ETFA: variants seen among roughly 807,000 people sequenced by gnomAD.
ETFA encodes electron transfer flavoprotein subunit alpha.
Under a neutral mutation model 46.2 loss-of-function variants are expected in ETFA, and 22 were observed. That is an observed-to-expected ratio of 0.48 (90% confidence interval 0.34 to 0.68). ETFA has a LOEUF of 0.68. Among genes scored for constraint, ETFA ranks in the 30% least tolerant of loss-of-function variants. The probability of loss-of-function intolerance (pLI) is 0.01; values close to 1 mark genes in which losing one functional copy is unlikely to be tolerated. For synonymous variants in ETFA, 131 were observed against 139.9 expected (o/e 0.94, Z 0.45); for missense variants, 345 against 401.1 (o/e 0.86, Z 1.19).
intron 11 of ETFA, among the ~76,000 whole-genome samples, chr15:76,224,690 G>T (rs976520237): frequency 2.6e-5 from 4 of 152,170 alleles, no homozygotes; most frequent in African/African-American, 7.2e-5. Context: ...ATAGCCCCTC[G>T]CTGTGGTTCT....
chr15:76,275,829 T>C (rs961107274), intron 8 of ETFA, among the ~76,000 whole-genome samples: 2 of 152,312 alleles, frequency 1.3e-5, no homozygotes, highest in African/African-American at 4.8e-5. Context: ...AATAACACTT[T>C]ACTACTTCAC....
intron 11 of ETFA, among the ~76,000 whole-genome samples, chr15:76,216,840 CTTT>C (rs373144812): frequency 2.2e-5 from 2 of 89,276 alleles, no homozygotes; most frequent in Admixed American, 1.5e-4. Flanking sequence ...TGCCTTTTGC[CTTT>C]TTTTTTTTTT....
At chr15:76,272,729 G>A (rs2039550384) in intron 9 of ETFA, among the ~76,000 whole-genome samples, 1 of 151,590 alleles carries the variant, frequency 6.6e-6, no homozygotes, top group South Asian at 2.1e-4. Context: ...GTTAGAGGCT[G>A]TGGTGTGTTA....
chr15:76,260,233 C>G, intron 9 of ETFA: 1 of 1,244,218 alleles, frequency 8.0e-7, no homozygotes, highest in Non-Finnish European at 1.2e-6. Flanking sequence ...AATGTGGCCT[C>G]GATGCACTTG....
At chr15:76,287,780 C>T in intron 5 of ETFA, 66 bp downstream of exon 5, 1 of 1,144,878 alleles carries the variant, frequency 8.7e-7, no homozygotes, top group African/African-American at 1.5e-5. Context: ...ATTCTATCTT[C>T]AAGATTAATT....
intron 1 of ETFA, among the ~76,000 whole-genome samples, chr15:76,310,369 GAAAAAAAAA>G (rs34111559): frequency 9.6e-5 from 10 of 104,462 alleles, no homozygotes; most frequent in Admixed American, 6.4e-4. Flanking sequence ...TCCATGCCCA[GAAAAAAAAA>G]AAAAAAAAAA....
chr15:76,277,201 G>C (rs2039601789), intron 8 of ETFA, among the ~76,000 whole-genome samples: 1 of 152,128 alleles, frequency 6.6e-6, no homozygotes, highest in South Asian at 2.1e-4. Flanking sequence ...CCTTAGGTGG[G>C]ACAGGATGGC....
chr15:76,237,941 C>T (rs2039143391), intron 9 of ETFA, among the ~76,000 whole-genome samples: 1 of 152,080 alleles, frequency 6.6e-6, no homozygotes, highest in African/African-American at 2.4e-5. Flanking sequence ...AGAATTTCTG[C>T]CCAGCTTCCT....
intron 9 of ETFA, among the ~76,000 whole-genome samples, chr15:76,267,199 C>G (rs1299666175): frequency 6.6e-6 from 1 of 152,206 alleles, no homozygotes; most frequent in Non-Finnish European, 1.5e-5. Context: ...CATTTGCCTA[C>G]AGGAGTTTAT....
intron 9 of ETFA, among the ~76,000 whole-genome samples, chr15:76,270,560 A>G (rs1007607635): frequency 3.3e-5 from 5 of 152,214 alleles, no homozygotes; most frequent in African/African-American, 1.2e-4. Context: ...TTTCAATAGC[A>G]ATGAACATAA....
intron 9 of ETFA, among the ~76,000 whole-genome samples, chr15:76,257,064 C>T (rs915322050): frequency 6.9e-5 from 10 of 144,900 alleles, no homozygotes; most frequent in Non-Finnish European, 1.5e-5. Context: ...CCTATATTAA[C>T]GAACGTGACT....
At chr15:76,222,292 A>G (rs2142105250) in intron 11 of ETFA, among the ~76,000 whole-genome samples, 1 of 148,880 alleles carries the variant, frequency 6.7e-6, no homozygotes, top group East Asian at 1.9e-4. Context: ...TATAAAATAT[A>G]TAACATTAAG....
At chr15:76,293,081 G>A (rs1050369802) in intron 2 of ETFA, among the ~76,000 whole-genome samples, 1 of 152,184 alleles carries the variant, frequency 6.6e-6, no homozygotes, top group African/African-American at 2.4e-5. Flanking sequence ...AGGTTACAGT[G>A]AGCCAAGATC....
At chr15:76,310,344 G>A (rs1270162979) in intron 1 of ETFA, among the ~76,000 whole-genome samples, 5 of 134,006 alleles carry the variant, frequency 3.7e-5, no homozygotes, top group Non-Finnish European at 6.1e-5. Context: ...AATCCCAGGA[G>A]TGGATGGGAA....
intron 9 of ETFA, among the ~76,000 whole-genome samples, chr15:76,266,541 A>T (rs2039472243): frequency 6.6e-6 from 1 of 152,210 alleles, no homozygotes; most frequent in African/African-American, 2.4e-5. Flanking sequence ...GCCCCCGATA[A>T]AATCCAAACT....
intron 1 of ETFA, 74 bp from the exon 2 acceptor site, chr15:76,295,811 G>A: frequency 8.8e-7 from 1 of 1,130,736 alleles, no homozygotes; most frequent in African/African-American, 1.7e-5. Context: ...TTTACTAATT[G>A]TTAAGCATGT....
intron 1 of ETFA, among the ~76,000 whole-genome samples, chr15:76,308,371 C>T (rs2039957628): frequency 6.6e-6 from 1 of 152,038 alleles, no homozygotes; most frequent in Non-Finnish European, 1.5e-5. Context: ...AGTGGAGAAA[C>T]CTGGCAAACA....
At chr15:76,304,531 G>C (rs982138341) in intron 1 of ETFA, among the ~76,000 whole-genome samples, 2 of 152,062 alleles carry the variant, frequency 1.3e-5, no homozygotes, top group African/African-American at 4.8e-5. Context: ...AGATGTGGTG[G>C]CGCATTCCCG....
chr15:76,275,319 T>A (rs1029460397), intron 8 of ETFA, among the ~76,000 whole-genome samples: 4 of 152,138 alleles, frequency 2.6e-5, no homozygotes, highest in African/African-American at 9.7e-5. Flanking sequence ...AAAATGTAAG[T>A]TTTAGAACTT....
Sources: gnomAD v4.1 joint callset for allele counts (sites outside exome capture counted in the v4.1 genomes callset) on GRCh38, gnomAD v4.1.1 for gene constraint, MANE v1.5 for transcripts, NCBI Gene and HGNC (gene_info 2026-07-23, HGNC 2026-07-21) for gene names.